Variants in NDC1 observed in about 807,000 individuals in gnomAD.
NDC1 encodes the protein NDC1 transmembrane nucleoporin.
NDC1 carries 24 observed loss-of-function variants against 89.8 expected under a neutral mutation model. The ratio of observed to expected loss-of-function variants is 0.27; its 90% CI spans 0.19 to 0.38. The LOEUF is 0.38. Among genes scored for constraint, NDC1 ranks in the 10% least tolerant of loss-of-function variants. The pLI is 1.00. For synonymous variants in NDC1, 296 were observed against 284.8 expected, an observed-to-expected ratio of 1.04 and a Z score of -0.39; for missense variants, 728 against 797.6, an observed-to-expected ratio of 0.91 and a Z score of 1.05.
Position 53,807,757 on chromosome 1 carries a change from G to A in NDC1, c.790C>T (p.Leu264Phe). 6.2e-7 allele frequency: 1 copy of A among 1,613,334 alleles called. No individual in the cohort carries two copies. The highest frequency in any genetic ancestry group is 1.1e-5 in the South Asian group (1 of 90,890). ...TGGTAGAGTAACGAGAGATTTAAGA[G>A]GCCACTCACTGTGTCAAGTGGCCTA... ...VHRPLDTVSG[L>F]LNLSLLYHVW... The change falls in exon 8 of 18, where the codon CTC becomes TTC. Residue 264 changes from leucine to phenylalanine, a missense_variant. Coordinates refer to ENST00000371429, the MANE Select transcript of NDC1 (RefSeq NM_018087.5).
At chr1:53,832,417 T>C (rs1649095688) in intron 3 of NDC1, 73 bp downstream of exon 3, 5 of 766,864 alleles carry the variant, frequency 6.5e-6, no homozygotes, top group African/African-American at 1.7e-5. Context: ...CATTCACATA[T>C]AAAATGTACT....
intron 6 of NDC1, among the ~76,000 whole-genome samples, chr1:53,816,974 C>A (rs1000385881): frequency 9.2e-5 from 14 of 152,032 alleles, no homozygotes; most frequent in African/African-American, 2.9e-4. Context: ...TGGCCATAAT[C>A]AAAAAATCAA....
chr1:53,824,382 A>ACAAGC (rs1409094803), intron 5 of NDC1, among the ~76,000 whole-genome samples: 1 of 152,176 alleles, frequency 6.6e-6, no homozygotes, highest in Non-Finnish European at 1.5e-5. Flanking sequence ...GATTATAGGC[A>ACAAGC]CAAGCCAATG....
In NDC1 at chr1:53,767,999, G is replaced by C. The variant is rs1458339351; in HGVS notation, c.1996C>G (p.Leu666Val). The change falls in exon 18 of 18, where the codon CTT (leucine) becomes GTT (valine). Residue 666 changes from leucine (L) to valine (V), a missense_variant. Transcript: ENST00000371429. ...VQASAEHQKR[L>V]QQFLEFKE Reference sequence around the variant, plus strand: ...TCTTTGAACTCCAAGAACTGTTGAAGTCTTTTCTGATGTTCTGCAGATGCT... The same window carrying C: ...TCTTTGAACTCCAAGAACTGTTGAACTCTTTTCTGATGTTCTGCAGATGCT... The C allele has an allele frequency of 6.2e-7, 1 of 1,608,930 alleles. No individual in the cohort carries two copies. The highest frequency in any genetic ancestry group is 1.3e-5 in the African/African-American group (1 of 74,770).
chr1:53,786,593 G>A (rs1647315175), intron 16 of NDC1, among the ~76,000 whole-genome samples: 1 of 152,168 alleles, frequency 6.6e-6, no homozygotes, highest in Non-Finnish European at 1.5e-5. Context: ...TAAACAATGT[G>A]TTTAATACCA....
chr1:53,809,224 A>T (rs1332209535), intron 7 of NDC1, among the ~76,000 whole-genome samples: 2 of 152,264 alleles, frequency 1.3e-5, no homozygotes, highest in Non-Finnish European at 2.9e-5. Flanking sequence ...GGCCTGGTCC[A>T]TGCAACTCGA....
chr1:53,837,251 G>GT lies in NDC1; in HGVS notation c.57+953dup, dbSNP rs574490609. Among the ~76,000 whole-genome samples the GT allele has an allele frequency of 1.9e-3, 290 of 152,196 alleles. 1 individual carries two copies. The highest frequency in any genetic ancestry group is 6.7e-3 in the African/African-American group (278 of 41,536). ...TCAAGACCAGGCTGGAGAAGATATC[G>GT]TATCTCTATTATAAAAATAATTTTT... On this transcript the variant is annotated intron_variant, in intron 1 of 17. Transcript: ENST00000371429.
chr1:53,827,268 A>T (rs1320790042), intron 4 of NDC1, among the ~76,000 whole-genome samples: 1 of 133,480 alleles, frequency 7.5e-6, no homozygotes, highest in Non-Finnish European at 1.6e-5. Flanking sequence ...ATCTTTGTTT[A>T]AAAAAAAAAA....
intron 5 of NDC1, 104 bp downstream of exon 5, chr1:53,825,694 A>G (rs917825594): frequency 5.5e-5 from 53 of 969,416 alleles, no homozygotes; most frequent in Middle Eastern, 6.3e-4. Flanking sequence ...AGTGTTGGTT[A>G]TCAAATCTTG....
At chr1:53,778,714 A>C (rs17109343) in intron 16 of NDC1, among the ~76,000 whole-genome samples, 3,367 of 152,344 alleles carry the variant, frequency 0.022, 255 homozygotes, top group Admixed American at 0.15. Flanking sequence ...AAAAATTATG[A>C]AGATAATATA....
Position 53,819,003 on chromosome 1 carries a change from A to G in NDC1, c.671T>C (p.Val224Ala). Reference protein sequence around the residue: ...KHSCVESLFLVRNFCILYYFL... With the variant: ...KHSCVESLFLARNFCILYYFL... The stretch of plus-strand genomic sequence containing the variant: ...ATAATATAAAATGCAGAAATTTCTA[A>G]CCAGGAACAGTGATTCCACACAACT... The change falls in exon 6 of 18, where the codon GTT (valine) becomes GCT (alanine). Residue 224 changes from valine to alanine, a missense_variant. By Grantham distance (64) the Val-to-Ala change is moderately conservative. Coordinates refer to ENST00000371429, the MANE Select transcript of NDC1 (RefSeq NM_018087.5). 2 of 1,570,022 alleles carry G rather than the reference A, an allele frequency of 1.3e-6. No homozygotes were observed. The highest frequency in any genetic ancestry group is 4.5e-5 in the East Asian group (2 of 44,254).
At chr1:53,815,975 C>T (rs189127985) in intron 6 of NDC1, among the ~76,000 whole-genome samples, 16 of 152,232 alleles carry the variant, frequency 1.1e-4, no homozygotes, top group Admixed American at 9.8e-4. Context: ...GGAAACACAT[C>T]CCATGCTCAT....
intron 10 of NDC1, among the ~76,000 whole-genome samples, chr1:53,801,973 C>T (rs1359520579): frequency 6.6e-6 from 1 of 152,028 alleles, no homozygotes; most frequent in Non-Finnish European, 1.5e-5. Context: ...AAACTCCTGA[C>T]CTCAGATGAT....
At chr1:53,835,278 G>T (rs972174350) in intron 2 of NDC1, among the ~76,000 whole-genome samples, 2 of 152,012 alleles carry the variant, frequency 1.3e-5, no homozygotes, top group African/African-American at 4.8e-5. Context: ...TGATCTTTTC[G>T]TTCCTATGAT....
chr1:53,801,572 T>C (rs1177012111), intron 10 of NDC1, among the ~76,000 whole-genome samples: 1 of 152,214 alleles, frequency 6.6e-6, no homozygotes, highest in African/African-American at 2.4e-5. Context: ...CTGGTTTCTC[T>C]ATCCTATGTG....
chr1:53,800,289 C>T (rs191990829), intron 11 of NDC1, among the ~76,000 whole-genome samples: 20 of 149,556 alleles, frequency 1.3e-4, no homozygotes, highest in African/African-American at 4.2e-4. Context: ...TAAAAATATA[C>T]ACCTCACACT....
intron 16 of NDC1, among the ~76,000 whole-genome samples, chr1:53,785,901 T>TTTTATTTATTTA (rs757203425): frequency 7.7e-4 from 116 of 151,494 alleles, no homozygotes; most frequent in African/African-American, 2.2e-3. Context: ...CAGATGCTAT[T>TTTTATTTATTTA]TTTATTCATT....
intron 11 of NDC1, among the ~76,000 whole-genome samples, chr1:53,798,230 G>A (rs955459519): frequency 1.5e-4 from 23 of 148,422 alleles, no homozygotes; most frequent in South Asian, 4.2e-4. Flanking sequence ...GTGCTATGGC[G>A]CAATCTTGGC....
chr1:53,777,515 A>G (rs1557564683), intron 16 of NDC1, among the ~76,000 whole-genome samples: 3 of 152,184 alleles, frequency 2.0e-5, no homozygotes, highest in Non-Finnish European at 4.4e-5. Context: ...AGTTTAGAGT[A>G]AATGTGTCCT....
Sources: gnomAD v4.1 joint callset for allele counts (sites outside exome capture counted in the v4.1 genomes callset) on GRCh38, gnomAD v4.1.1 for gene constraint, MANE v1.5 for transcripts, NCBI Gene and HGNC (gene_info 2026-07-23, HGNC 2026-07-21) for gene names.